Variants in ZFHX3 observed in about 807,000 individuals in gnomAD.
The protein encoded by ZFHX3 is zinc finger homeobox protein 3.
In ZFHX3, 42 loss-of-function variants were observed where a neutral mutation model predicts 279.1. The ratio of observed to expected loss-of-function variants is 0.15; its 90% CI spans 0.12 to 0.19. ZFHX3 has a LOEUF of 0.19. ZFHX3 is among the 10% of genes least tolerant of loss of function. The pLI is 1.00. For synonymous variants in ZFHX3, 2,293 were observed against 1,957.8 expected (o/e 1.17, Z -4.52); for missense variants, 4,981 against 4,754.0 (o/e 1.05, Z -1.40).
chr16:72,887,638 G>A (rs558546530), intron 4 of ZFHX3, among the ~76,000 whole-genome samples: 1 of 149,918 alleles, frequency 6.7e-6, no homozygotes, highest in Non-Finnish European at 1.5e-5. Context: ...CAGTGTGTGT[G>A]GGGTGTGTGG....
intron 6 of ZFHX3, among the ~76,000 whole-genome samples, chr16:73,135,910 T>A (rs1244948660): frequency 6.6e-6 from 1 of 151,182 alleles, no homozygotes; most frequent in Admixed American, 6.6e-5. Context: ...CAGGCTGGAG[T>A]ACAGTGGTGC....
chr16:73,809,869 A>G (rs1960380794), intron 1 of ZFHX3: 1 of 152,330 alleles, frequency 6.6e-6, no homozygotes, highest in Admixed American at 6.5e-5. Context: ...TTGCCTGGTA[A>G]AAATGTCATC....
At chr16:73,493,480 C>T (rs2019087262) in intron 2 of ZFHX3, among the ~76,000 whole-genome samples, 1 of 152,096 alleles carries the variant, frequency 6.6e-6, no homozygotes, top group African/African-American at 2.4e-5. Context: ...TGGAGGAAGA[C>T]AAAAATTTAT....
At chr16:73,815,132 A>G (rs765695612) in intron 1 of ZFHX3, among the ~76,000 whole-genome samples, 2 of 152,236 alleles carry the variant, frequency 1.3e-5, no homozygotes, top group African/African-American at 4.8e-5. Flanking sequence ...GCACTCAACA[A>G]GTAGTAGAAT....
At chr16:73,872,785 G>A in intron 1 of ZFHX3, among the ~76,000 whole-genome samples, 1 of 43,336 alleles carries the variant, frequency 2.3e-5, no homozygotes, top group Non-Finnish European at 4.3e-5. Flanking sequence ...GATGGCGGTG[G>A]GTGGCGGTGG....
At chr16:73,579,692 C>A (rs1005462294) in intron 2 of ZFHX3, among the ~76,000 whole-genome samples, 19 of 149,944 alleles carry the variant, frequency 1.3e-4, no homozygotes, top group Non-Finnish European at 1.8e-4. Context: ...TTAGTAGAGA[C>A]GGGGTTTCAC....
intron 2 of ZFHX3, among the ~76,000 whole-genome samples, chr16:73,591,784 T>A (rs1353959005): frequency 6.8e-6 from 1 of 147,446 alleles, no homozygotes; most frequent in Non-Finnish European, 1.5e-5. Flanking sequence ...GATCTATCAA[T>A]GAATGTAATG....
chr16:73,658,346 C>T (rs2052743732), intron 2 of ZFHX3, among the ~76,000 whole-genome samples: 1 of 152,112 alleles, frequency 6.6e-6, no homozygotes, highest in Non-Finnish European at 1.5e-5. Context: ...CGCTCTGTCA[C>T]CCAGACTGGA....
rs775037051 is a variant in ZFHX3 at position 72,788,322 on chromosome 16, A to G, written c.9954T>C (p.Tyr3318=). The change falls in exon 10 of 10, where the codon TAT becomes TAC. Residue 3318 remains tyrosine, a synonymous_variant. Coordinates refer to ENST00000268489, the MANE Select transcript of ZFHX3 (RefSeq NM_006885.4). Reference sequence around the variant, plus strand: ...GGGCGCCAGGGATCTGGGGAGCATAATAAGGAGAAAAGCCTGGTACAAAGT... The same window carrying G: ...GGGCGCCAGGGATCTGGGGAGCATAGTAAGGAGAAAAGCCTGGTACAAAGT... ...LPYFVPGFSP[Y]YAPQIPGALQ... 2 of 1,614,206 alleles carry G rather than the reference A, an allele frequency of 1.2e-6. No homozygotes were observed. Among genetic ancestry groups the G allele is most frequent in the Admixed American group, 3.3e-5 (2 of 60,026 alleles).
At chr16:73,042,551 A>T (rs894638812) in intron 1 of ZFHX3, among the ~76,000 whole-genome samples, 2 of 151,998 alleles carry the variant, frequency 1.3e-5, no homozygotes, top group African/African-American at 2.4e-5. Context: ...AGCCCCAATC[A>T]TGCCTAACCA....
intron 7 of ZFHX3, among the ~76,000 whole-genome samples, chr16:72,805,089 T>C (rs1385059796): frequency 1.3e-5 from 2 of 152,156 alleles, no homozygotes; most frequent in Non-Finnish European, 2.9e-5. Context: ...GTGATTCTTC[T>C]GCCTCAGCCT....
intron 1 of ZFHX3, among the ~76,000 whole-genome samples, chr16:72,961,567 C>T (rs1313970158): frequency 1.3e-5 from 2 of 152,102 alleles, no homozygotes; most frequent in African/African-American, 4.8e-5. Flanking sequence ...CACACTCAGC[C>T]GGTGAAGGTT....
At chr16:73,298,127 G>T (rs923006699) in intron 4 of ZFHX3, among the ~76,000 whole-genome samples, 5 of 151,754 alleles carry the variant, frequency 3.3e-5, no homozygotes, top group Non-Finnish European at 7.4e-5. Flanking sequence ...GGAGTTTGAG[G>T]TTACAGTGAG....
intron 1 of ZFHX3, among the ~76,000 whole-genome samples, chr16:73,835,140 C>A (rs1212084473): frequency 1.3e-5 from 2 of 152,170 alleles, no homozygotes; most frequent in African/African-American, 4.8e-5. Flanking sequence ...GAAGCAGCTT[C>A]TGCAGGGTTG....
intron 3 of ZFHX3, among the ~76,000 whole-genome samples, chr16:72,891,382 G>C (rs2038770295): frequency 6.6e-6 from 1 of 152,144 alleles, no homozygotes; most frequent in Admixed American, 6.5e-5. Flanking sequence ...GCAGACCCCA[G>C]GCTTCTGTGG....
In ZFHX3 at chr16:73,053,957, G is replaced by A. The variant is rs140778116; in HGVS notation, c.-24+4573C>T. Among the ~76,000 whole-genome samples, 380 of 151,730 alleles carry A rather than the reference G, an allele frequency of 2.5e-3. 4 individuals are homozygous for A. The highest frequency in any genetic ancestry group is 8.5e-3 in the African/African-American group (352 of 41,324). Reference sequence around the variant, plus strand: ...ACTCTATAAAAAGCCTTCCTAAAATGTCACCAGGGTCGACACATCAGCAGC... The same window carrying A: ...ACTCTATAAAAAGCCTTCCTAAAATATCACCAGGGTCGACACATCAGCAGC... On this transcript the variant is annotated intron_variant, in intron 1 of 8. Coordinates refer to the ZFHX3 transcript ENST00000397992.
chr16:73,783,665 T>G (rs1462587302), intron 1 of ZFHX3, among the ~76,000 whole-genome samples: 4 of 152,208 alleles, frequency 2.6e-5, no homozygotes, highest in African/African-American at 4.8e-5. Flanking sequence ...TCAGTACTGA[T>G]TGCAAATTAT....
intron 4 of ZFHX3, among the ~76,000 whole-genome samples, chr16:73,292,866 T>G (rs2014809528): frequency 6.6e-6 from 1 of 152,304 alleles, no homozygotes; most frequent in East Asian, 1.9e-4. Flanking sequence ...TTCCTCGGGC[T>G]GGAAGCAGAA....
chr16:73,637,230 CTTT>C (rs1215790905), intron 2 of ZFHX3, among the ~76,000 whole-genome samples: 5 of 121,684 alleles, frequency 4.1e-5, no homozygotes, highest in South Asian at 5.4e-4. Flanking sequence ...TTTTTTTGTT[CTTT>C]TTTTTTTTTT....
Sources: allele counts gnomAD v4.1 joint callset (sites outside exome capture counted in the v4.1 genomes callset), GRCh38; gene constraint gnomAD v4.1.1; transcripts MANE v1.5; gene names NCBI Gene and HGNC (gene_info 2026-07-23, HGNC 2026-07-21).